ANO2: variants seen among roughly 807,000 people sequenced by gnomAD.
ANO2 encodes anoctamin-2.
In ANO2, 101 loss-of-function variants were observed where a neutral mutation model predicts 124.2. That is an observed-to-expected ratio of 0.81 (90% CI 0.69 to 0.96). ANO2 has a LOEUF of 0.96. Ranked by LOEUF, ANO2 falls within the 40% of genes least tolerant of loss-of-function variation. ANO2 has a pLI of 0.00. For missense variants in ANO2, 1,293 were observed against 1,274.5 expected (o/e 1.01, Z -0.22); for synonymous variants, 486 against 482.5 (o/e 1.01, Z -0.09).
intron 14 of ANO2, among the ~76,000 whole-genome samples, chr12:5,663,099 C>A (rs569683080): frequency 6.6e-6 from 1 of 152,202 alleles, no homozygotes; most frequent in Non-Finnish European, 1.5e-5. Flanking sequence ...GGCCTGCAGG[C>A]GAGGAGAGAC....
At chr12:5,901,682 C>T (rs141944558) in intron 3 of ANO2, among the ~76,000 whole-genome samples, 4,615 of 152,180 alleles carry the variant, frequency 0.03, 116 homozygotes, top group South Asian at 0.081. Flanking sequence ...GGAACTCAAA[C>T]CAGCCAAAAA....
intron 3 of ANO2, among the ~76,000 whole-genome samples, chr12:5,883,355 C>T (rs1404532727): frequency 2.6e-5 from 4 of 152,204 alleles, no homozygotes; most frequent in Middle Eastern, 3.2e-3. Flanking sequence ...TACACAACCA[C>T]TCTGTAGAAA....
intron 3 of ANO2, 26 bp downstream of exon 3, chr12:5,921,014 A>G (rs752929957): frequency 6.3e-7 from 1 of 1,585,810 alleles, no homozygotes; most frequent in Non-Finnish European, 8.6e-7. Flanking sequence ...TCCATCTCCA[A>G]GTCCCTGGCC....
At chr12:5,898,744 C>G (rs1363723931) in intron 3 of ANO2, among the ~76,000 whole-genome samples, 1 of 152,142 alleles carries the variant, frequency 6.6e-6, no homozygotes, top group African/African-American at 2.4e-5. Context: ...GGTAGGGTCA[C>G]GACTGGAAGG....
chr12:5,831,039 C>A (rs1450573919), intron 5 of ANO2, among the ~76,000 whole-genome samples: 2 of 152,158 alleles, frequency 1.3e-5, no homozygotes, highest in Non-Finnish European at 2.9e-5. Context: ...TTAGAAAAAT[C>A]TTAATTATGC....
chr12:5,710,520 A>G (rs775498261), intron 14 of ANO2, among the ~76,000 whole-genome samples: 1 of 152,230 alleles, frequency 6.6e-6, no homozygotes, highest in South Asian at 2.1e-4. Context: ...GTTAAACAGG[A>G]GCTGGAAGTC....
chr12:5,657,666 A>C (rs1947226973), intron 14 of ANO2, among the ~76,000 whole-genome samples: 1 of 152,134 alleles, frequency 6.6e-6, no homozygotes. Context: ...CTGGTCTCAC[A>C]TGGCTGAAGG....
intron 1 of ANO2, among the ~76,000 whole-genome samples, chr12:5,938,525 T>G (rs1470792543): frequency 6.6e-6 from 1 of 152,174 alleles, no homozygotes; most frequent in Non-Finnish European, 1.5e-5. Context: ...ATTTACTTAT[T>G]AAGATAAGCT....
At chr12:5,821,832 T>C (rs1953809757) in intron 7 of ANO2, among the ~76,000 whole-genome samples, 1 of 152,156 alleles carries the variant, frequency 6.6e-6, no homozygotes, top group Admixed American at 6.5e-5. Flanking sequence ...AAGTGGTATA[T>C]ATGTGATTGG....
At chr12:5,616,374 T>C (rs1944809899) in intron 16 of ANO2, among the ~76,000 whole-genome samples, 2 of 152,192 alleles carry the variant, frequency 1.3e-5, no homozygotes, top group South Asian at 4.1e-4. Context: ...CATAGGACTC[T>C]TTCCCATGTA....
At chr12:5,728,691 T>C (rs1950530084) in intron 14 of ANO2, among the ~76,000 whole-genome samples, 1 of 152,018 alleles carries the variant, frequency 6.6e-6, no homozygotes, top group South Asian at 2.1e-4. Flanking sequence ...CAAAACAATT[T>C]TGAAAAAAAA....
At chr12:5,812,331 GGGAAGGAGGGAGGAA>G (rs1565687711) in intron 7 of ANO2, among the ~76,000 whole-genome samples, 2 of 138,428 alleles carry the variant, frequency 1.4e-5, no homozygotes, top group Non-Finnish European at 3.1e-5. Flanking sequence ...GAGGGAGGGA[GGGAAGGAGGGAGGAA>G]GGAAGGAGGA....
intron 3 of ANO2, among the ~76,000 whole-genome samples, chr12:5,906,794 A>AAAATAAATAAATAAATAAATAAATAAAT (rs551277367): frequency 2.9e-4 from 44 of 151,334 alleles, no homozygotes; most frequent in African/African-American, 1.0e-3. Context: ...ACTCTGTCTC[A>AAAATAAATAAATAAATAAATAAATAAAT]AAATAAATAA....
At chr12:5,724,793 G>A (rs71459967) in intron 14 of ANO2, among the ~76,000 whole-genome samples, 2 of 152,068 alleles carry the variant, frequency 1.3e-5, no homozygotes, top group Admixed American at 6.5e-5. Context: ...AGGTGGCTTA[G>A]GTAGGGATGG....
At chr12:5,760,818 T>C (rs1951718455) in intron 10 of ANO2, among the ~76,000 whole-genome samples, 1 of 152,142 alleles carries the variant, frequency 6.6e-6, no homozygotes, top group Non-Finnish European at 1.5e-5. Flanking sequence ...GAAAATCCTT[T>C]AAACGTTCAA....
In ANO2 at chr12:5,575,916, G is replaced by A; in HGVS notation, c.2539C>T (p.Leu847Phe). 6.2e-7 allele frequency: 1 copy of A among 1,613,732 alleles called. No individual in the cohort carries two copies. Among genetic ancestry groups the A allele is most frequent in the Non-Finnish European group, 8.5e-7 (1 of 1,179,810 alleles). Reference protein sequence around the residue: ...GTLHGFVNHTLSFFNVSQLKE... With the variant: ...GTLHGFVNHTFSFFNVSQLKE... Reference sequence around the variant, plus strand: ...AGCTGGCTGACGTTGAAAAAGGAGAGGGTGTGGTTGACAAAGCCGTGCAGA... The same window carrying A: ...AGCTGGCTGACGTTGAAAAAGGAGAAGGTGTGGTTGACAAAGCCGTGCAGA... The change falls in exon 23 of 25, where the codon CTC (leucine) becomes TTC (phenylalanine). Residue 847 changes from leucine to phenylalanine, a missense_variant. Leu to Phe is a conservative substitution (Grantham distance 22). Transcript: ENST00000682330.
At chr12:5,905,964 C>G (rs531667113) in intron 3 of ANO2, among the ~76,000 whole-genome samples, 1 of 152,322 alleles carries the variant, frequency 6.6e-6, no homozygotes, top group South Asian at 2.1e-4. Flanking sequence ...CTAGCTTTCT[C>G]TCTTCGGGCG....
chr12:5,687,022 G>A (rs1948738150), intron 14 of ANO2, among the ~76,000 whole-genome samples: 1 of 152,208 alleles, frequency 6.6e-6, no homozygotes, highest in African/African-American at 2.4e-5. Context: ...GGGAAAGGGT[G>A]ACAGACACCC....
intron 10 of ANO2, among the ~76,000 whole-genome samples, chr12:5,752,517 T>C (rs750282800): frequency 3.3e-5 from 5 of 152,234 alleles, no homozygotes; most frequent in Non-Finnish European, 5.9e-5. Flanking sequence ...TTTGGTGAAA[T>C]GTCTATTTAG....
Sources: allele counts gnomAD v4.1 joint callset (sites outside exome capture counted in the v4.1 genomes callset), GRCh38; gene constraint gnomAD v4.1.1; transcripts MANE v1.5; gene names NCBI Gene and HGNC (gene_info 2026-07-23, HGNC 2026-07-21).